Variants in KIAA1217 observed in about 807,000 individuals in gnomAD.
KIAA1217 encodes the protein sickle tail protein homolog.
In KIAA1217, 88 loss-of-function variants were observed where a neutral mutation model predicts 163.9. That is an observed-to-expected ratio of 0.54 (90% confidence interval 0.45 to 0.64). The LOEUF (loss-of-function observed/expected upper bound fraction) is 0.64. Among genes scored for constraint, KIAA1217 ranks in the 30% least tolerant of loss-of-function variants. KIAA1217 has a pLI of 0.00. For synonymous variants in KIAA1217, 903 were observed against 923.1 expected, an observed-to-expected ratio of 0.98 and a Z score of 0.39; for missense variants, 2,372 against 2,475.0, an observed-to-expected ratio of 0.96 and a Z score of 0.88.
At chr10:24,283,629 G>A (rs1358008115) in intron 2 of KIAA1217, among the ~76,000 whole-genome samples, 1 of 152,000 alleles carries the variant, frequency 6.6e-6, no homozygotes, top group Non-Finnish European at 1.5e-5. Flanking sequence ...TTGTGCCACC[G>A]CACTTCAGCC....
chr10:23,816,609 TA>T (rs1372927487), intron 1 of KIAA1217, among the ~76,000 whole-genome samples: 1 of 152,196 alleles, frequency 6.6e-6, no homozygotes, highest in African/African-American at 2.4e-5. Flanking sequence ...CACTTTTTGA[TA>T]ATACTGTATT....
rs1193496586 is a variant in KIAA1217, at chr10:24,280,581, G to A, written c.354+60672G>A. The stretch of plus-strand genomic sequence containing the variant: ...AATCCCAGCACTTTGGGAGGCGGAG[G>A]CGGGTGGATTGCGAGGTCAGGAGAT... On this transcript the variant is annotated intron_variant, in intron 2 of 20. Coordinates refer to ENST00000376454, the MANE Select transcript of KIAA1217 (RefSeq NM_019590.5). 6.8e-4 allele frequency among the ~76,000 whole-genome samples: 103 copies of A among 152,204 alleles called. 2 individuals carry two copies. The highest frequency in any genetic ancestry group is 2.3e-3 in the African/African-American group (97 of 41,534).
At chr10:23,736,874 T>G (rs999857898) in intron 1 of KIAA1217, among the ~76,000 whole-genome samples, 2 of 152,196 alleles carry the variant, frequency 1.3e-5, no homozygotes, top group African/African-American at 4.8e-5. Flanking sequence ...AACTTATTTT[T>G]CTTCAGCAGT....
chr10:23,957,169 T>G (rs556351360), intron 1 of KIAA1217, among the ~76,000 whole-genome samples: 1 of 152,134 alleles, frequency 6.6e-6, no homozygotes, highest in Non-Finnish European at 1.5e-5. Context: ...AACAACGGAA[T>G]CCACCTCACG....
chr10:24,506,046 C>T (rs993785353), intron 9 of KIAA1217, among the ~76,000 whole-genome samples: 68 of 152,216 alleles, frequency 4.5e-4, no homozygotes, highest in African/African-American at 1.6e-3. Flanking sequence ...CAGGGCTTGA[C>T]GATTAGGCTG....
chr10:24,385,422 G>A (rs1033654460), intron 3 of KIAA1217, among the ~76,000 whole-genome samples: 1 of 152,200 alleles, frequency 6.6e-6, no homozygotes, highest in African/African-American at 2.4e-5. Flanking sequence ...TGGTGTCTGT[G>A]TAATGGTCTC....
intron 1 of KIAA1217, among the ~76,000 whole-genome samples, chr10:23,829,575 A>G (rs563401118): frequency 6.6e-6 from 1 of 152,174 alleles, no homozygotes; most frequent in Non-Finnish European, 1.5e-5. Flanking sequence ...AATTTTTTGC[A>G]TGACTCACTA....
chr10:24,122,364 A>G (rs1469982880), intron 2 of KIAA1217, among the ~76,000 whole-genome samples: 1 of 152,124 alleles, frequency 6.6e-6, no homozygotes, highest in Non-Finnish European at 1.5e-5. Context: ...TCCCGGGTGT[A>G]TATGTACCAC....
chr10:24,109,498 G>T (rs1298002837), intron 2 of KIAA1217, among the ~76,000 whole-genome samples: 2 of 152,016 alleles, frequency 1.3e-5, no homozygotes, highest in Non-Finnish European at 1.5e-5. Flanking sequence ...TCTCTATGTG[G>T]ATTAACTGCA....
At chr10:23,716,436 G>A (rs1047307085) in intron 1 of KIAA1217, among the ~76,000 whole-genome samples, 3 of 152,152 alleles carry the variant, frequency 2.0e-5, no homozygotes, top group South Asian at 2.1e-4. Flanking sequence ...AATGCAATAT[G>A]TGAAAGTTTT....
chr10:24,419,349 A>T (rs74125404), intron 3 of KIAA1217, among the ~76,000 whole-genome samples: 7,480 of 152,198 alleles, frequency 0.049, 377 homozygotes, highest in African/African-American at 0.13. Context: ...TGTCACTTTT[A>T]AAATGATTTT....
intron 1 of KIAA1217, among the ~76,000 whole-genome samples, chr10:23,816,028 T>C (rs1174420476): frequency 6.6e-6 from 1 of 152,146 alleles, no homozygotes; most frequent in South Asian, 2.1e-4. Context: ...AATGAAGTCT[T>C]TTAGGAACTC....
At chr10:23,727,676 G>A (rs1423640255) in intron 1 of KIAA1217, among the ~76,000 whole-genome samples, 1 of 151,976 alleles carries the variant, frequency 6.6e-6, no homozygotes, top group Non-Finnish European at 1.5e-5. Flanking sequence ...TTTAAGTTCT[G>A]GGGATACATG....
At position 24,373,845 on chromosome 10, in the gene KIAA1217, C is replaced by T. The variant is rs571488301; in HGVS notation, c.355-7024C>T. Among the ~76,000 whole-genome samples the T allele has an allele frequency of 5.3e-5, 8 of 152,320 alleles. No homozygotes were observed. The South Asian group carries it at 1.7e-3, about 32-fold the overall frequency. On this transcript the variant is annotated intron_variant, in intron 2 of 20. Transcript: ENST00000376454. Reference sequence around the variant, plus strand: ...GTGCAGGGATGACTGTGGCTGGCTCCATATGAGCTGCCCGTGGGCAGCGGG... The same window carrying T: ...GTGCAGGGATGACTGTGGCTGGCTCTATATGAGCTGCCCGTGGGCAGCGGG...
At chr10:24,170,554 G>A (rs1589758687) in intron 2 of KIAA1217, among the ~76,000 whole-genome samples, 1 of 152,264 alleles carries the variant, frequency 6.6e-6, no homozygotes, top group East Asian at 1.9e-4. Flanking sequence ...AAGGATGGGT[G>A]CACAGTAAAT....
intron 2 of KIAA1217, among the ~76,000 whole-genome samples, chr10:24,066,491 A>G (rs1353846727): frequency 1.3e-5 from 2 of 152,146 alleles, no homozygotes; most frequent in Admixed American, 1.3e-4. Flanking sequence ...TCTGGCTTGT[A>G]GAGTTTCTGC....
At chr10:24,079,025 G>A (rs771325709) in intron 2 of KIAA1217, among the ~76,000 whole-genome samples, 12 of 152,204 alleles carry the variant, frequency 7.9e-5, no homozygotes, top group Admixed American at 6.5e-5. Context: ...TTAGCATGGC[G>A]AGGGATGAAA....
intron 2 of KIAA1217, among the ~76,000 whole-genome samples, chr10:24,052,881 G>A (rs1849618523): frequency 6.6e-6 from 1 of 152,050 alleles, no homozygotes; most frequent in Non-Finnish European, 1.5e-5. Flanking sequence ...CTGCCTATTA[G>A]ATTACCCATC....
At chr10:23,712,644 G>T (rs1247274518) in intron 1 of KIAA1217, among the ~76,000 whole-genome samples, 1 of 151,862 alleles carries the variant, frequency 6.6e-6, no homozygotes, top group East Asian at 1.9e-4. Context: ...AATATTCATT[G>T]CAAATGTCAG....
Sources: allele counts gnomAD v4.1 joint callset (sites outside exome capture counted in the v4.1 genomes callset), GRCh38; gene constraint gnomAD v4.1.1; transcripts MANE v1.5; gene names NCBI Gene and HGNC (gene_info 2026-07-23, HGNC 2026-07-21).